Variants in SUSD6 observed in about 807,000 individuals in gnomAD.
The protein encoded by SUSD6 is sushi domain-containing protein 6.
In SUSD6, 16 loss-of-function variants were observed where a neutral mutation model predicts 28.4. That is an observed-to-expected ratio of 0.56 (90% CI 0.38 to 0.86). The LOEUF is 0.86. SUSD6 is among the 40% of genes least tolerant of loss of function. SUSD6 has a pLI of 0.00. For missense variants in SUSD6, 341 were observed against 384.2 expected (o/e 0.89, Z 0.94); for synonymous variants, 147 against 159.6 (o/e 0.92, Z 0.59).
chr14:69,633,690 G>A (rs1444177431), intron 1 of SUSD6, among the ~76,000 whole-genome samples: 1 of 152,088 alleles, frequency 6.6e-6, no homozygotes, highest in Non-Finnish European at 1.5e-5. Flanking sequence ...TTGCACCCAT[G>A]TAGAATACTG....
chr14:69,686,273 T>C (rs1220168463), intron 2 of SUSD6, among the ~76,000 whole-genome samples: 1 of 152,230 alleles, frequency 6.6e-6, no homozygotes, highest in Admixed American at 6.5e-5. Context: ...TCCAAGATTG[T>C]CTCTAAAAGG....
intron 2 of SUSD6, among the ~76,000 whole-genome samples, chr14:69,666,207 A>G (rs141576407): frequency 6.6e-6 from 1 of 152,318 alleles, no homozygotes; most frequent in East Asian, 1.9e-4. Context: ...CAAATAACAC[A>G]TGTTGGTTTC....
chr14:69,627,609 C>T lies in SUSD6; in HGVS notation c.-81+15781C>T, dbSNP rs140263585. 1.4e-4 allele frequency among the ~76,000 whole-genome samples: 21 copies of T among 152,264 alleles called. No homozygotes were observed. The East Asian group carries it at 3.7e-3, about 27-fold the overall frequency. ...CCTCCTGAGTAGCTGAGATTACAGG[C>T]GCCCACCACCACGCCTGGCTAATTT... On this transcript the variant is annotated intron_variant, in intron 1 of 5. Transcript: ENST00000342745.
intron 3 of SUSD6, 45 bp downstream of exon 3, chr14:69,703,637 T>G (rs1292402854): frequency 6.4e-7 from 1 of 1,558,926 alleles, no homozygotes; most frequent in Admixed American, 1.7e-5. Flanking sequence ...GGTTCTGCTT[T>G]CTGTTAACTC....
At chr14:69,704,039 A>G (rs991763495) in intron 3 of SUSD6, among the ~76,000 whole-genome samples, 17 of 152,232 alleles carry the variant, frequency 1.1e-4, no homozygotes, top group African/African-American at 3.9e-4. Flanking sequence ...TGCTTGCAGG[A>G]AAGTGTGTCA....
chr14:69,651,187 C>T (rs908820498), intron 1 of SUSD6, among the ~76,000 whole-genome samples: 1 of 152,182 alleles, frequency 6.6e-6, no homozygotes, highest in Non-Finnish European at 1.5e-5. Flanking sequence ...GGCTGTCCCT[C>T]CTGTCCTGTG....
At position 69,703,567 on chromosome 14, in the gene SUSD6, G is replaced by A; in HGVS notation, c.294G>A (p.Met98Ile). Residue 98 changes from methionine (M) to isoleucine (I), a missense_variant, in exon 3 of 6, where the codon ATG becomes ATA. By Grantham distance (10) the Met-to-Ile change is conservative. Coordinates refer to ENST00000342745, the MANE Select transcript of SUSD6 (RefSeq NM_014734.4). ...TCKNGEWKPA[M>I]EISCRLNEDK... is the part of the protein sequence containing the mutation. The stretch of plus-strand genomic sequence containing the variant: ...AGAATGGCGAGTGGAAACCAGCCAT[G>A]GAGATTAGCTGCCGTCTCAACGAGG... 1.2e-6 allele frequency: 2 copies of A among 1,614,240 alleles called. No individual in the cohort carries two copies. Among genetic ancestry groups the A allele is most frequent in the Non-Finnish European group, 1.7e-6 (2 of 1,180,034 alleles).
rs1470914743 is a variant in SUSD6, at chr14:69,617,371, G to A, written c.-81+5543G>A. On this transcript the variant is annotated intron_variant, in intron 1 of 5. Coordinates refer to ENST00000342745, the MANE Select transcript of SUSD6 (RefSeq NM_014734.4). ...TTCTCCTAGGTTATGCAGTTTGTTT[G>A]AGGAAGAACAGTGTTTTAGTAAACT... 3 of 152,178 alleles carry A rather than the reference G, an allele frequency of 2.0e-5. No individual in the cohort carries two copies. In the East Asian group the frequency reaches 5.8e-4, roughly 29 times the overall value. The allele number at this position is 152,178 out of a possible 1,614,324, so 9.4% of individuals were successfully genotyped here.
intron 1 of SUSD6, among the ~76,000 whole-genome samples, chr14:69,654,065 C>T (rs958841079): frequency 4.6e-5 from 7 of 152,282 alleles, no homozygotes; most frequent in East Asian, 1.9e-4. Context: ...GCACCTGTCC[C>T]GTCTTAGGCT....
intron 1 of SUSD6, among the ~76,000 whole-genome samples, chr14:69,633,359 G>A (rs1360233459): frequency 6.6e-6 from 1 of 152,320 alleles, no homozygotes; most frequent in African/African-American, 2.4e-5. Flanking sequence ...ACAGATTTCA[G>A]AATGGAGTTT....
chr14:69,704,781 G>A, intron 4 of SUSD6, 39 bp downstream of exon 4: 1 of 1,605,128 alleles, frequency 6.2e-7, no homozygotes. Flanking sequence ...ACAGGCAGGT[G>A]CAAGCATTAC....
At chr14:69,673,734 T>C (rs1328015973) in intron 2 of SUSD6, among the ~76,000 whole-genome samples, 1 of 152,048 alleles carries the variant, frequency 6.6e-6, no homozygotes, top group East Asian at 1.9e-4. Flanking sequence ...AAGTCTGCAT[T>C]TTCGGATGCC....
At chr14:69,685,435 A>G (rs1183545812) in intron 2 of SUSD6, among the ~76,000 whole-genome samples, 1 of 152,220 alleles carries the variant, frequency 6.6e-6, no homozygotes, top group Non-Finnish European at 1.5e-5. Flanking sequence ...TCAACAAAGC[A>G]TAGAGTTCGG....
intron 1 of SUSD6, among the ~76,000 whole-genome samples, chr14:69,622,221 G>A (rs1885050900): frequency 6.6e-6 from 1 of 152,192 alleles, no homozygotes; most frequent in Non-Finnish European, 1.5e-5. Context: ...CTAGAGTGTA[G>A]TGGTACCATC....
At chr14:69,635,471 A>G (rs1885249983) in intron 1 of SUSD6, among the ~76,000 whole-genome samples, 1 of 152,216 alleles carries the variant, frequency 6.6e-6, no homozygotes, top group African/African-American at 2.4e-5. Flanking sequence ...GTTCTGTCAA[A>G]CAGTGAGGTT....
chr14:69,708,702 C>A lies in SUSD6; in HGVS notation c.484C>A (p.Gln162Lys). The A allele has an allele frequency of 6.3e-7, 1 of 1,589,958 alleles. No individual in the cohort carries two copies. The change falls in exon 5 of 6, where the codon CAG becomes AAG. Residue 162 changes from glutamine (Q) to lysine (K), a missense_variant. Physicochemically the swap from Gln to Lys is moderately conservative, Grantham distance 53. Coordinates refer to ENST00000342745, the MANE Select transcript of SUSD6 (RefSeq NM_014734.4). ...SRRDQGVSGD[Q>K]VSIMVDGVQV... ...GCGTGACCAGGGGGTATCTGGGGAC[C>A]AGGTCTCCATCATGGTGGATGGAGT...
At chr14:69,678,882 C>G (rs1215939150) in intron 2 of SUSD6, among the ~76,000 whole-genome samples, 4 of 152,278 alleles carry the variant, frequency 2.6e-5, no homozygotes, top group East Asian at 3.9e-4. Flanking sequence ...TGCATGTGTC[C>G]TAAGCATGTG....
chr14:69,618,247 T>G (rs974302506), intron 1 of SUSD6, among the ~76,000 whole-genome samples: 8 of 152,200 alleles, frequency 5.3e-5, no homozygotes, highest in African/African-American at 2.4e-5. Context: ...CAAAACTACC[T>G]TCAGTCTATG....
intron 2 of SUSD6, among the ~76,000 whole-genome samples, chr14:69,671,808 AG>A (rs1416659824): frequency 2.0e-5 from 3 of 152,168 alleles, no homozygotes; most frequent in Non-Finnish European, 4.4e-5. Context: ...CTTTCAGCAA[AG>A]GAACCCTTTC....
Sources: gnomAD v4.1 joint callset for allele counts (sites outside exome capture counted in the v4.1 genomes callset) on GRCh38, gnomAD v4.1.1 for gene constraint, MANE v1.5 for transcripts, NCBI Gene and HGNC (gene_info 2026-07-23, HGNC 2026-07-21) for gene names.